CEP63: variants seen among roughly 807,000 people sequenced by gnomAD.
CEP63 encodes centrosomal protein of 63 kDa.
In CEP63, 84 loss-of-function variants were observed where a neutral mutation model predicts 89.1. The ratio of observed to expected loss-of-function variants is 0.94; its 90% confidence interval spans 0.79 to 1.13. CEP63 has a LOEUF of 1.13. Among genes scored for constraint, CEP63 ranks in the 50% most tolerant of loss-of-function variants. The pLI, the probability that CEP63 is intolerant of heterozygous loss-of-function variation, is 0.00. For missense variants in CEP63, 838 were observed against 813.3 expected, an observed-to-expected ratio of 1.03 and a Z score of -0.37; for synonymous variants, 267 against 272.5, an observed-to-expected ratio of 0.98 and a Z score of 0.20.
chr3:134,658,802 G>A, the CEP63 span, among the ~76,000 whole-genome samples: 2 of 152,164 alleles, frequency 1.3e-5, no homozygotes, highest in African/African-American at 2.4e-5. Context: ...CTGAGACAGC[G>A]CTGCTCAGTC....
the CEP63 span, chr3:134,601,095 C>T: frequency 6.6e-6 from 1 of 152,210 alleles, no homozygotes; most frequent in Non-Finnish European, 1.5e-5. Context: ...AAAGAAAAGC[C>T]TTCAAAATGC....
At chr3:134,760,058 C>CTTTTTTT in the CEP63 span, among the ~76,000 whole-genome samples, 5 of 131,196 alleles carry the variant, frequency 3.8e-5, no homozygotes, top group Admixed American at 7.8e-5. Flanking sequence ...AGAGCACTTT[C>CTTTTTTT]TTTTTTTTTT....
Position 134,558,354 on chromosome 3 carries a change from T to C in CEP63, c.1673+7T>C. The C allele has an allele frequency of 1.3e-6, 2 of 1,507,258 alleles. No homozygotes were observed. Among genetic ancestry groups the C allele is most frequent in the African/African-American group, 2.0e-5 (1 of 50,070 alleles). 93.4% of individuals were successfully genotyped at this position (1,507,258 alleles called of 1,614,324 possible). On this transcript the variant is annotated splice_region_variant and intron_variant, in intron 13 of 14. Transcript: ENST00000675561. ...TCAAGAATACAGAGTTCAAGTAAAA[T>C]TTTTTAAAAGTTTATTTAAAATGTG...
At chr3:134,718,607 T>C in the CEP63 span, among the ~76,000 whole-genome samples, 1 of 152,248 alleles carries the variant, frequency 6.6e-6, no homozygotes, top group Non-Finnish European at 1.5e-5. Flanking sequence ...TTTAAAGACA[T>C]TCTTGCTTGC....
chr3:134,550,534 A>G (rs1954582000), intron 11 of CEP63, among the ~76,000 whole-genome samples: 1 of 152,194 alleles, frequency 6.6e-6, no homozygotes, highest in Non-Finnish European at 1.5e-5. Flanking sequence ...AAGGCCTTCC[A>G]GAAGGTGTGA....
chr3:134,732,894 GGAGAGACTCCTAAGTCAGA>G, the CEP63 span, among the ~76,000 whole-genome samples: 2 of 152,096 alleles, frequency 1.3e-5, no homozygotes, highest in Admixed American at 6.6e-5. Context: ...CAGCAGAAAA[GGAGAGACTCCTAAGTCAGA>G]GAGAAAATAA....
chr3:134,504,688 T>C (rs762962580), intron 2 of CEP63, among the ~76,000 whole-genome samples: 1 of 118,990 alleles, frequency 8.4e-6, no homozygotes, highest in Non-Finnish European at 1.8e-5. Flanking sequence ...TTTTGTTAAA[T>C]TGGTTTTCTG....
the CEP63 span, among the ~76,000 whole-genome samples, chr3:134,667,658 C>T: frequency 3.9e-4 from 59 of 152,288 alleles, 1 homozygote; most frequent in Non-Finnish European, 1.3e-4. Context: ...CAGCTGTGGC[C>T]GCTCCCACAG....
chr3:134,719,141 C>T, the CEP63 span, among the ~76,000 whole-genome samples: 1 of 152,072 alleles, frequency 6.6e-6, no homozygotes, highest in African/African-American at 2.4e-5. Context: ...TTTCATCAAG[C>T]AGCTTGTTAG....
the CEP63 span, chr3:134,650,686 C>A: frequency 2.6e-6 from 2 of 782,338 alleles, no homozygotes; most frequent in Admixed American, 3.3e-5. Context: ...TGCGGGGAAG[C>A]GACGGCAGCC....
chr3:134,735,447 C>A, the CEP63 span, among the ~76,000 whole-genome samples: 1 of 152,124 alleles, frequency 6.6e-6, no homozygotes, highest in African/African-American at 2.4e-5. Flanking sequence ...TAACACCATG[C>A]TTAGTGGCCA....
At chr3:134,501,351 T>G (rs535701238) in intron 2 of CEP63, among the ~76,000 whole-genome samples, 1 of 152,220 alleles carries the variant, frequency 6.6e-6, no homozygotes, top group Admixed American at 6.5e-5. Flanking sequence ...TAAAATAGTT[T>G]TTTTCTAATT....
chr3:134,529,586 C>T (rs536979583), intron 3 of CEP63, among the ~76,000 whole-genome samples: 49 of 152,282 alleles, frequency 3.2e-4, no homozygotes, highest in African/African-American at 1.1e-3. Flanking sequence ...AGTGATCCGC[C>T]TGCCTTGGCC....
the CEP63 span, among the ~76,000 whole-genome samples, chr3:134,670,442 A>G: frequency 3.3e-5 from 5 of 152,242 alleles, no homozygotes; most frequent in African/African-American, 1.2e-4. Flanking sequence ...AAGAGAACAG[A>G]GTGGGGATCA....
At chr3:134,722,205 T>G in the CEP63 span, among the ~76,000 whole-genome samples, 1 of 152,100 alleles carries the variant, frequency 6.6e-6, no homozygotes, top group African/African-American at 2.4e-5. Context: ...CTTGGAGATG[T>G]GCATCTTTCT....
Position 134,545,621 on chromosome 3 carries a change from T to G in CEP63, c.591T>G (p.Ser197=). 1 of 1,614,168 alleles carries G rather than the reference T, an allele frequency of 6.2e-7. No individual in the cohort carries two copies. Among genetic ancestry groups the G allele is most frequent in the East Asian group, 2.2e-5 (1 of 44,866 alleles). ...TCAATCGGAAACAGAAATTAGAGTC[T>G]GTGGAACTTTCTAGCCAATCAGAAA... ...QLVNRKQKLE[S]VELSSQSEIQ... is the part of the protein sequence containing the mutation. Residue 197 remains serine (S), a synonymous_variant, in exon 7 of 15, where the codon TCT becomes TCG. Coordinates refer to ENST00000675561, the MANE Select transcript of CEP63 (RefSeq NM_001353108.3).
chr3:134,620,541 C>T, the CEP63 span, among the ~76,000 whole-genome samples: 3 of 152,304 alleles, frequency 2.0e-5, no homozygotes, highest in African/African-American at 7.2e-5. Context: ...GCAAGGGATT[C>T]TCCTCCAACT....
the CEP63 span, among the ~76,000 whole-genome samples, chr3:134,768,649 G>A: frequency 6.6e-6 from 1 of 152,222 alleles, no homozygotes; most frequent in East Asian, 1.9e-4. Context: ...CCAAGTGCCT[G>A]CTCACTGGAA....
At chr3:134,486,333 C>T (rs1299952041) in intron 1 of CEP63, 131 bp downstream of exon 1, 19 of 985,570 alleles carry the variant, frequency 1.9e-5, no homozygotes, top group Non-Finnish European at 2.3e-5. Flanking sequence ...TCTGGCTTCG[C>T]GGCCTCATGG....
Sources: gnomAD v4.1 joint callset for allele counts (sites outside exome capture counted in the v4.1 genomes callset) on GRCh38, gnomAD v4.1.1 for gene constraint, MANE v1.5 for transcripts, NCBI Gene and HGNC (gene_info 2026-07-23, HGNC 2026-07-21) for gene names.